The following ZFHX3 variants were observed in gnomAD, a reference collection of about 807,000 sequenced individuals.
ZFHX3 encodes the protein zinc finger homeobox protein 3.
Under a neutral mutation model 279.1 loss-of-function variants are expected in ZFHX3, and 42 were observed. The observed-to-expected ratio is 0.15, with a 90% CI of 0.12 to 0.19. ZFHX3 has a LOEUF of 0.19. ZFHX3 is among the 10% of genes least tolerant of loss of function. ZFHX3 has a pLI of 1.00. For missense variants in ZFHX3, 4,981 were observed against 4,754.0 expected (o/e 1.05, Z -1.40); for synonymous variants, 2,293 against 1,957.8 (o/e 1.17, Z -4.52).
intron 3 of ZFHX3, among the ~76,000 whole-genome samples, chr16:72,905,472 A>T (rs1189925305): frequency 6.6e-6 from 1 of 151,996 alleles, no homozygotes. Flanking sequence ...GTTTACTATC[A>T]CTATGCTCCT....
intron 1 of ZFHX3, among the ~76,000 whole-genome samples, chr16:73,682,991 A>AAAAG (rs796634470): frequency 0.026 from 1,103 of 42,034 alleles, 91 homozygotes; most frequent in Non-Finnish European, 0.038. Context: ...AGAAAGAAAG[A>AAAAG]AAAGAAAGAA....
At chr16:73,858,729 A>G (rs1283258777) in intron 1 of ZFHX3, among the ~76,000 whole-genome samples, 2 of 152,234 alleles carry the variant, frequency 1.3e-5, no homozygotes, top group African/African-American at 4.8e-5. Context: ...AGCTTCAGCA[A>G]ATGGAAGGTG....
At chr16:73,760,093 T>C (rs1038729716) in intron 1 of ZFHX3, among the ~76,000 whole-genome samples, 1 of 150,356 alleles carries the variant, frequency 6.7e-6, no homozygotes, top group African/African-American at 2.4e-5. Context: ...GTAGATACAA[T>C]AAAAAATGAT....
chr16:73,764,802 G>A lies in ZFHX3; in HGVS notation c.-1607-84562C>T, dbSNP rs953151117. 2.0e-5 allele frequency among the ~76,000 whole-genome samples: 3 copies of A among 152,164 alleles called. No homozygotes were observed. The East Asian group carries it at 5.8e-4, about 29-fold the overall frequency. ...TGACTTGAGGTCCCAAAGTTTATGA[G>A]CCTAAGCCACCCTGCTTCTCCCTAA... is the stretch of plus-strand genomic sequence containing the variant. On this transcript the variant is annotated intron_variant, in intron 1 of 17. Coordinates refer to the ZFHX3 transcript ENST00000641206.
At chr16:73,792,328 T>C (rs182389920) in intron 1 of ZFHX3, among the ~76,000 whole-genome samples, 2 of 152,238 alleles carry the variant, frequency 1.3e-5, no homozygotes, top group East Asian at 1.9e-4. Context: ...GTGAGTCCAA[T>C]GTCACCACAA....
At chr16:73,779,118 G>T (rs1307811803) in intron 1 of ZFHX3, among the ~76,000 whole-genome samples, 8 of 152,162 alleles carry the variant, frequency 5.3e-5, no homozygotes, top group Admixed American at 3.9e-4. Flanking sequence ...CCCGTGTCTT[G>T]CATTTGGAAC....
At chr16:73,487,772 G>A (rs538811315) in intron 2 of ZFHX3, 72 of 159,884 alleles carry the variant, frequency 4.5e-4, no homozygotes, top group South Asian at 2.4e-3. Flanking sequence ...TTGGCTGATG[G>A]GACTTTAGCA....
chr16:73,162,520 A>G (rs1197940979), intron 5 of ZFHX3, among the ~76,000 whole-genome samples: 3 of 152,228 alleles, frequency 2.0e-5, no homozygotes, highest in African/African-American at 7.2e-5. Flanking sequence ...TGTAATGCAT[A>G]AAATGATTCT....
chr16:73,147,890 A>T (rs1009125525), intron 5 of ZFHX3, among the ~76,000 whole-genome samples: 6 of 152,020 alleles, frequency 3.9e-5, no homozygotes, highest in Non-Finnish European at 8.8e-5. Context: ...AAATAAAAAA[A>T]CCCATAGCCC....
chr16:72,788,875 C>G, intron 9 of ZFHX3, 27 bp from the exon 10 acceptor site: 4 of 1,513,840 alleles, frequency 2.6e-6, no homozygotes, highest in Non-Finnish European at 3.5e-6. Flanking sequence ...CAGAAATCAC[C>G]GGTCAGTCTG....
intron 4 of ZFHX3, among the ~76,000 whole-genome samples, chr16:72,865,788 G>A (rs1468881073): frequency 1.3e-5 from 2 of 152,178 alleles, no homozygotes; most frequent in Non-Finnish European, 2.9e-5. Flanking sequence ...TGTATCCACA[G>A]AGAAGCCCTC....
At chr16:73,046,480 C>G (rs1360261469) in intron 1 of ZFHX3, among the ~76,000 whole-genome samples, 1 of 152,110 alleles carries the variant, frequency 6.6e-6, no homozygotes, top group African/African-American at 2.4e-5. Flanking sequence ...CCTCCTGGAA[C>G]TCGTGATTTT....
At chr16:73,331,228 G>A (rs1310937282) in intron 3 of ZFHX3, among the ~76,000 whole-genome samples, 1 of 152,178 alleles carries the variant, frequency 6.6e-6, no homozygotes, top group Non-Finnish European at 1.5e-5. Flanking sequence ...TCACTATCAT[G>A]AGAACAGCAT....
intron 2 of ZFHX3, among the ~76,000 whole-genome samples, chr16:73,543,300 T>C (rs962640665): frequency 2.0e-5 from 3 of 152,226 alleles, no homozygotes; most frequent in African/African-American, 7.2e-5. Flanking sequence ...TAATAGTGCA[T>C]AACAAATACG....
chr16:73,863,408 GA>G (rs1218943127), intron 1 of ZFHX3, among the ~76,000 whole-genome samples: 1 of 152,036 alleles, frequency 6.6e-6, no homozygotes, highest in Non-Finnish European at 1.5e-5. Context: ...ACGCCAAAAG[GA>G]AACACCCTTC....
At chr16:73,847,103 GC>G (rs1346973181) in intron 1 of ZFHX3, among the ~76,000 whole-genome samples, 1 of 151,994 alleles carries the variant, frequency 6.6e-6, no homozygotes, top group Non-Finnish European at 1.5e-5. Context: ...GGAGTTCAAG[GC>G]CAGCCTGACC....
chr16:73,373,646 A>T (rs1383428598), intron 3 of ZFHX3, among the ~76,000 whole-genome samples: 1 of 152,242 alleles, frequency 6.6e-6, no homozygotes, highest in Non-Finnish European at 1.5e-5. Flanking sequence ...GCATGAGATT[A>T]TCTGTGTTCA....
chr16:72,882,121 C>T (rs2038491591), intron 4 of ZFHX3, among the ~76,000 whole-genome samples: 1 of 151,748 alleles, frequency 6.6e-6, no homozygotes, highest in Non-Finnish European at 1.5e-5. Flanking sequence ...CAAACACACC[C>T]ATATACTGTC....
chr16:73,190,884 G>A (rs967862550), intron 5 of ZFHX3, among the ~76,000 whole-genome samples: 2 of 149,658 alleles, frequency 1.3e-5, no homozygotes, highest in Admixed American at 6.7e-5. Flanking sequence ...AAGGGAGAAG[G>A]ATAGAGACCA....
Sources: allele counts gnomAD v4.1 joint callset (sites outside exome capture counted in the v4.1 genomes callset), GRCh38; gene constraint gnomAD v4.1.1; transcripts MANE v1.5; gene names NCBI Gene and HGNC (gene_info 2026-07-23, HGNC 2026-07-21).